PDE1C: variants seen among roughly 807,000 people sequenced by gnomAD.
PDE1C encodes phosphodiesterase 1C, also known as dual specificity calcium/calmodulin-dependent 3',5'-cyclic nucleotide phosphodiesterase 1C.
Under a neutral mutation model 93.1 loss-of-function variants are expected in PDE1C, and 62 were observed. The ratio of observed to expected loss-of-function variants is 0.67; its 90% CI spans 0.54 to 0.82. The LOEUF is 0.82. PDE1C is among the 40% of genes least tolerant of loss of function. The pLI is 0.00. For synonymous variants in PDE1C, 325 were observed against 310.1 expected (o/e 1.05, Z -0.50); for missense variants, 742 against 884.6 (o/e 0.84, Z 2.04).
At chr7:32,020,722 A>G (rs187217069) in intron 2 of PDE1C, among the ~76,000 whole-genome samples, 32 of 152,248 alleles carry the variant, frequency 2.1e-4, no homozygotes, top group Middle Eastern at 3.4e-3. Flanking sequence ...CAAGGCCCAA[A>G]AGAGTTCAGT....
At chr7:32,296,712 A>G (rs1302977697) in intron 1 of PDE1C, among the ~76,000 whole-genome samples, 1 of 152,134 alleles carries the variant, frequency 6.6e-6, no homozygotes, top group Admixed American at 6.5e-5. Flanking sequence ...ATAAGATCTC[A>G]TAAGGACAAC....
At chr7:32,126,268 T>C (rs32302) in intron 3 of PDE1C, among the ~76,000 whole-genome samples, 104,849 of 151,784 alleles carry the variant, frequency 0.69, 36,918 homozygotes, top group Middle Eastern at 0.81. Flanking sequence ...TCAATGCAAC[T>C]CTATGAAATA....
chr7:31,783,534 T>C (rs1354711986), intron 16 of PDE1C: 1 of 152,072 alleles, frequency 6.6e-6, no homozygotes, highest in Admixed American at 6.6e-5. Flanking sequence ...ATTAAGAGGT[T>C]AACTCATTGT....
the PDE1C span, among the ~76,000 whole-genome samples, chr7:31,661,363 C>T: frequency 1.3e-5 from 2 of 152,106 alleles, no homozygotes; most frequent in Non-Finnish European, 2.9e-5. Context: ...GCTTGATTCA[C>T]CTGAGAATCA....
At chr7:32,419,688 C>T (rs1785350373) in intron 1 of PDE1C, among the ~76,000 whole-genome samples, 1 of 152,080 alleles carries the variant, frequency 6.6e-6, no homozygotes, top group African/African-American at 2.4e-5. Flanking sequence ...AACTTGGCCA[C>T]ATTTTTCCTT....
chr7:31,954,421 T>G (rs566138796), intron 2 of PDE1C, among the ~76,000 whole-genome samples: 38 of 152,292 alleles, frequency 2.5e-4, no homozygotes, highest in African/African-American at 8.4e-4. Context: ...GCTAAGCCAC[T>G]GGTGTCTGGT....
intron 2 of PDE1C, among the ~76,000 whole-genome samples, chr7:31,967,577 A>G (rs1810217524): frequency 1.3e-5 from 2 of 152,212 alleles, no homozygotes; most frequent in South Asian, 4.1e-4. Flanking sequence ...TCCAATCAAT[A>G]AATAAAGAGG....
the PDE1C span, among the ~76,000 whole-genome samples, chr7:31,623,659 G>A: frequency 9.2e-6 from 1 of 108,728 alleles, no homozygotes; most frequent in Non-Finnish European, 2.0e-5. Flanking sequence ...TACTGAATGG[G>A]GAAAAACTGG....
At chr7:32,005,105 A>T (rs1440709478) in intron 2 of PDE1C, among the ~76,000 whole-genome samples, 3 of 152,188 alleles carry the variant, frequency 2.0e-5, no homozygotes, top group Non-Finnish European at 4.4e-5. Context: ...TTTATTGGTT[A>T]TAGAGCACCT....
chr7:31,676,790 A>T, the PDE1C span, among the ~76,000 whole-genome samples: 1 of 152,168 alleles, frequency 6.6e-6, no homozygotes, highest in Non-Finnish European at 1.5e-5. Context: ...TAAATAGACA[A>T]TTCATTAGCC....
chr7:32,084,519 A>T (rs1796936506), intron 3 of PDE1C, among the ~76,000 whole-genome samples: 2 of 150,162 alleles, frequency 1.3e-5, no homozygotes, highest in Admixed American at 1.3e-4. Context: ...ACATCTACAG[A>T]ACTCTCCACC....
intron 1 of PDE1C, among the ~76,000 whole-genome samples, chr7:32,258,697 G>C (rs1158120649): frequency 6.6e-6 from 1 of 152,210 alleles, no homozygotes; most frequent in African/African-American, 2.4e-5. Flanking sequence ...GAAACTCCAG[G>C]AAACCCAGCA....
the PDE1C span, among the ~76,000 whole-genome samples, chr7:31,713,133 C>G: frequency 6.6e-6 from 1 of 152,198 alleles, no homozygotes; most frequent in African/African-American, 2.4e-5. Context: ...AAGGCAAGTC[C>G]CTTCTGCCTA....
chr7:31,686,397 C>T, the PDE1C span, among the ~76,000 whole-genome samples: 4 of 152,184 alleles, frequency 2.6e-5, no homozygotes, highest in Non-Finnish European at 5.9e-5. Flanking sequence ...CTCTTGAGTG[C>T]CTACGTATTC....
At chr7:31,727,727 T>C in the PDE1C span, among the ~76,000 whole-genome samples, 3 of 152,138 alleles carry the variant, frequency 2.0e-5, no homozygotes, top group African/African-American at 7.2e-5. Context: ...CAATGGGAGA[T>C]GTGTGCATAT....
chr7:32,198,718 A>G (rs1804791164), intron 2 of PDE1C, among the ~76,000 whole-genome samples: 1 of 152,248 alleles, frequency 6.6e-6, no homozygotes, highest in African/African-American at 2.4e-5. Flanking sequence ...AGCTCTGCTT[A>G]CATTCTATTG....
the PDE1C span, chr7:31,695,711 G>T: frequency 2.9e-6 from 4 of 1,378,556 alleles, no homozygotes; most frequent in Middle Eastern, 1.9e-4. Flanking sequence ...TAAATATTCA[G>T]GTATTTTAAA....
intron 16 of PDE1C, among the ~76,000 whole-genome samples, chr7:31,791,714 G>A (rs1002673140): frequency 2.0e-5 from 3 of 151,992 alleles, no homozygotes; most frequent in African/African-American, 7.2e-5. Flanking sequence ...CAGATAGCTG[G>A]GGACAGCTGA....
In PDE1C at chr7:32,039,369, T is replaced by C. The variant is rs551715359; in HGVS notation, c.128+12185A>G. On this transcript the variant is annotated intron_variant, in intron 2 of 17. Coordinates refer to ENST00000396191, the MANE Select transcript of PDE1C (RefSeq NM_001191057.4). ...AGAAGGATGATTGCACATCTCACAG[T>C]CCATATTGCTCACATCGGGTTCTCA... is the stretch of plus-strand genomic sequence containing the variant. 3.3e-5 allele frequency among the ~76,000 whole-genome samples: 5 copies of C among 152,338 alleles called. No individual in the cohort carries two copies. The South Asian group carries it at 8.3e-4, about 25-fold the overall frequency.
Sources: allele counts gnomAD v4.1 joint callset (sites outside exome capture counted in the v4.1 genomes callset), GRCh38; gene constraint gnomAD v4.1.1; transcripts MANE v1.5; gene names NCBI Gene and HGNC (gene_info 2026-07-23, HGNC 2026-07-21).